The following SCAPER variants were observed in gnomAD, a reference collection of about 807,000 sequenced individuals.
SCAPER encodes S-phase cyclin A associated protein in the ER, also known as S phase cyclin A-associated protein in the endoplasmic reticulum.
SCAPER carries 98 observed loss-of-function variants against 182.2 expected under a neutral mutation model. That is an observed-to-expected ratio of 0.54 (90% confidence interval 0.46 to 0.64). SCAPER has a LOEUF of 0.64. SCAPER is among the 30% of genes least tolerant of loss of function. SCAPER has a pLI of 0.00. For missense variants in SCAPER, 1,432 were observed against 1,690.0 expected (o/e 0.85, Z 2.68); for synonymous variants, 605 against 564.6 (o/e 1.07, Z -1.01).
chr15:76,406,670 AGTG>A (rs2142167940), intron 26 of SCAPER, among the ~76,000 whole-genome samples: 1 of 152,020 alleles, frequency 6.6e-6, no homozygotes, highest in Non-Finnish European at 1.5e-5. Context: ...AATAAAAGAA[AGTG>A]TTTTATCTTA....
intron 27 of SCAPER, among the ~76,000 whole-genome samples, chr15:76,389,747 G>A (rs1288605703): frequency 2.0e-5 from 3 of 150,462 alleles, no homozygotes; most frequent in Admixed American, 6.6e-5. Context: ...GAACCCAGGC[G>A]GTGGAGGCTG....
At chr15:76,684,463 A>T (rs1392460573) in intron 20 of SCAPER, among the ~76,000 whole-genome samples, 1 of 152,170 alleles carries the variant, frequency 6.6e-6, no homozygotes, top group Non-Finnish European at 1.5e-5. Context: ...CCACAATTAT[A>T]TTCAACTATT....
chr15:76,589,917 G>GT (rs2048979065), intron 22 of SCAPER, among the ~76,000 whole-genome samples: 1 of 152,166 alleles, frequency 6.6e-6, no homozygotes, highest in Non-Finnish European at 1.5e-5. Flanking sequence ...TCAGCTCCAG[G>GT]TAAGGTCAAA....
chr15:76,503,159 A>G (rs2041291041), intron 24 of SCAPER, among the ~76,000 whole-genome samples: 2 of 152,212 alleles, frequency 1.3e-5, no homozygotes, highest in South Asian at 4.1e-4. Flanking sequence ...GCACTCTCCC[A>G]AAGAATCAAT....
intron 25 of SCAPER, among the ~76,000 whole-genome samples, chr15:76,437,491 A>G (rs2047273874): frequency 6.6e-6 from 1 of 152,246 alleles, no homozygotes; most frequent in Non-Finnish European, 1.5e-5. Context: ...TCAACTGGCC[A>G]TATTCTAAAA....
chr15:76,824,362 T>G (rs1003639928), intron 5 of SCAPER, among the ~76,000 whole-genome samples: 1 of 152,194 alleles, frequency 6.6e-6, no homozygotes, highest in Non-Finnish European at 1.5e-5. Context: ...GCGCCATCCC[T>G]TTGTCCTCCT....
chr15:76,588,273 T>C (rs887433911), intron 22 of SCAPER, among the ~76,000 whole-genome samples: 1 of 152,164 alleles, frequency 6.6e-6, no homozygotes, highest in South Asian at 2.1e-4. Context: ...ATTTGGGAGC[T>C]CCAGTGTTAG....
chr15:76,489,991 C>A (rs893467758), intron 24 of SCAPER, among the ~76,000 whole-genome samples: 1 of 152,140 alleles, frequency 6.6e-6, no homozygotes, highest in Non-Finnish European at 1.5e-5. Flanking sequence ...TCCTTTAAGG[C>A]TAAGTAATAT....
intron 14 of SCAPER, among the ~76,000 whole-genome samples, chr15:76,755,243 A>G (rs78987770): frequency 6.6e-6 from 1 of 152,318 alleles, no homozygotes; most frequent in African/African-American, 2.4e-5. Flanking sequence ...GAACCCCACA[A>G]GAGACTGCTT....
chr15:76,447,198 T>C (rs2048059110), intron 25 of SCAPER, among the ~76,000 whole-genome samples: 1 of 152,146 alleles, frequency 6.6e-6, no homozygotes, highest in Non-Finnish European at 1.5e-5. Flanking sequence ...ATGAAACACA[T>C]GGAGGTTCTT....
chr15:76,677,730 A>G (rs923882942), intron 20 of SCAPER, among the ~76,000 whole-genome samples: 1 of 149,934 alleles, frequency 6.7e-6, no homozygotes, highest in African/African-American at 2.5e-5. Flanking sequence ...CTTTTATGGC[A>G]TACTAGACCA....
chr15:76,371,464 C>G (rs1233424172), intron 29 of SCAPER, among the ~76,000 whole-genome samples: 1 of 151,750 alleles, frequency 6.6e-6, no homozygotes, highest in Non-Finnish European at 1.5e-5. Flanking sequence ...GGATTATAGG[C>G]GTGTGCCACC....
chr15:76,772,114 T>C (rs1319884664), intron 9 of SCAPER, among the ~76,000 whole-genome samples, 160 bp from the exon 10 acceptor site: 2 of 152,032 alleles, frequency 1.3e-5, no homozygotes, highest in Non-Finnish European at 2.9e-5. Context: ...GTTTCAAGTG[T>C]AACAAAAGGA....
Position 76,749,591 on chromosome 15 carries a change from G to A in SCAPER, c.1866+4217C>T, listed in dbSNP as rs75339692. Among the ~76,000 whole-genome samples the A allele has an allele frequency of 3.7e-3, 556 of 151,940 alleles. 7 individuals carry two copies. The highest frequency in any genetic ancestry group is 0.013 in the African/African-American group (542 of 41,474). Reference sequence around the variant, plus strand: ...TACTAGCAAGGTTGTAAAACACAAGGTACATATACAGAAATCAACTGCATT... The same window carrying A: ...TACTAGCAAGGTTGTAAAACACAAGATACATATACAGAAATCAACTGCATT... On this transcript the variant is annotated intron_variant, in intron 15 of 31. Transcript: ENST00000563290.
At chr15:76,750,546 G>T (rs1248323846) in intron 15 of SCAPER, among the ~76,000 whole-genome samples, 1 of 151,654 alleles carries the variant, frequency 6.6e-6, no homozygotes, top group Non-Finnish European at 1.5e-5. Flanking sequence ...TACTAGTGAA[G>T]CATATTAAAA....
At chr15:76,750,632 C>T (rs1230493238) in intron 15 of SCAPER, among the ~76,000 whole-genome samples, 1 of 151,764 alleles carries the variant, frequency 6.6e-6, no homozygotes, top group Non-Finnish European at 1.5e-5. Context: ...TGTAACATTA[C>T]ACATTAACAG....
chr15:76,416,745 A>G (rs1350330200), intron 26 of SCAPER, among the ~76,000 whole-genome samples: 9 of 152,246 alleles, frequency 5.9e-5, no homozygotes, highest in Non-Finnish European at 7.3e-5. Context: ...AAGAGCATAC[A>G]AAGATGTTCT....
At chr15:76,778,869 A>C (rs1393911493) in intron 8 of SCAPER, among the ~76,000 whole-genome samples, 1 of 152,096 alleles carries the variant, frequency 6.6e-6, no homozygotes, top group East Asian at 1.9e-4. Flanking sequence ...AACTCATCTA[A>C]ATACAAAACA....
chr15:76,754,470 C>A (rs939643588), intron 14 of SCAPER, among the ~76,000 whole-genome samples: 4 of 152,002 alleles, frequency 2.6e-5, no homozygotes, highest in African/African-American at 9.7e-5. Flanking sequence ...AAGAAACATT[C>A]TCTGAAGGAA....
Sources: gnomAD v4.1 joint callset for allele counts (sites outside exome capture counted in the v4.1 genomes callset) on GRCh38, gnomAD v4.1.1 for gene constraint, MANE v1.5 for transcripts, NCBI Gene and HGNC (gene_info 2026-07-23, HGNC 2026-07-21) for gene names.